PKHD1: variants seen among roughly 807,000 people sequenced by gnomAD.
PKHD1 encodes the protein fibrocystin.
Under a neutral mutation model 412.0 loss-of-function variants are expected in PKHD1, and 291 were observed. That is an observed-to-expected ratio of 0.71 (90% confidence interval 0.64 to 0.78). The LOEUF (loss-of-function observed/expected upper bound fraction) is 0.78, where lower values mean the gene tolerates loss of function less well. Among genes scored for constraint, PKHD1 ranks in the 30% least tolerant of loss-of-function variants. The probability of loss-of-function intolerance (pLI) is 0.00; values close to 1 mark genes in which losing one functional copy is unlikely to be tolerated. For synonymous variants in PKHD1, 1,777 were observed against 1,821.5 expected (o/e 0.98, Z 0.62); for missense variants, 4,825 against 4,950.7 (o/e 0.97, Z 0.76).
At chr6:51,733,152 G>A (rs1783425208) in intron 60 of PKHD1, among the ~76,000 whole-genome samples, 1 of 152,160 alleles carries the variant, frequency 6.6e-6, no homozygotes, top group South Asian at 2.1e-4. Flanking sequence ...TAGAGTTTCA[G>A]TTTTAAGAGT....
At position 51,775,145 on chromosome 6, in the gene PKHD1, T is replaced by G. The variant is rs531509666; in HGVS notation, c.8554+663A>C. On this transcript the variant is annotated intron_variant, in intron 54 of 66. Coordinates refer to ENST00000371117, the MANE Select transcript of PKHD1 (RefSeq NM_138694.4). ...TAAAGTATAGTGAACTTATTTCAAC[T>G]ATTATATAAGTAAGGGAAAAATAAC... 7.5e-4 allele frequency among the ~76,000 whole-genome samples: 114 copies of G among 151,916 alleles called. 1 individual carries two copies. Among genetic ancestry groups the G allele is most frequent in the African/African-American group, 2.4e-3 (99 of 41,534 alleles).
intron 60 of PKHD1, among the ~76,000 whole-genome samples, chr6:51,725,501 G>C (rs991684015): frequency 6.6e-6 from 1 of 152,052 alleles, no homozygotes; most frequent in African/African-American, 2.4e-5. Context: ...AAAGAGAAGA[G>C]GAAATGCAAA....
In PKHD1 at chr6:52,025,767, C is replaced by T. The variant is rs1203511766; in HGVS notation, c.4043G>A (p.Ser1348Asn). 1.2e-6 allele frequency: 2 copies of T among 1,614,234 alleles called. No individual in the cohort carries two copies. The highest frequency in any genetic ancestry group is 1.7e-6 in the Non-Finnish European group (2 of 1,180,040). The stretch of plus-strand genomic sequence containing the variant: ...AAGAGGGATGGAGCATCCAGACAGG[C>T]TCACGTTGCCCTGGAAGGACTGTGT... ...VETQSFQGNV[S>N]LSGCSIPLHS... Residue 1348 changes from serine (S) to asparagine (N), a missense_variant, in exon 32 of 67, where the codon AGC becomes AAC. Physicochemically the swap from Ser to Asn is conservative, Grantham distance 46. Coordinates refer to ENST00000371117, the MANE Select transcript of PKHD1 (RefSeq NM_138694.4).
chr6:51,697,865 C>T (rs1778982399), intron 60 of PKHD1, among the ~76,000 whole-genome samples: 1 of 152,134 alleles, frequency 6.6e-6, no homozygotes, highest in Non-Finnish European at 1.5e-5. Flanking sequence ...TGTCTCCTAC[C>T]TGGCATTTAC....
At chr6:51,778,270 C>G (rs1791392808) in intron 53 of PKHD1, among the ~76,000 whole-genome samples, 1 of 152,094 alleles carries the variant, frequency 6.6e-6, no homozygotes, top group African/African-American at 2.4e-5. Flanking sequence ...TACTAAGAGG[C>G]ATATTAAACC....
At chr6:51,646,959 T>C (rs1056498719) in intron 63 of PKHD1, among the ~76,000 whole-genome samples, 1 of 152,106 alleles carries the variant, frequency 6.6e-6, no homozygotes, top group Non-Finnish European at 1.5e-5. Context: ...CTCCAATGGC[T>C]CTGCATCTCA....
chr6:52,000,956 G>T (rs1226515819), intron 35 of PKHD1, among the ~76,000 whole-genome samples: 1 of 152,122 alleles, frequency 6.6e-6, no homozygotes, highest in African/African-American at 2.4e-5. Flanking sequence ...CTAATTTCCT[G>T]AATTCCCTCT....
At chr6:52,083,289 A>G (rs1240046095) in intron 2 of PKHD1, 34 bp from the exon 3 acceptor site, 2 of 1,369,446 alleles carry the variant, frequency 1.5e-6, no homozygotes, top group East Asian at 2.3e-5. Context: ...TTGGTTTTGA[A>G]GGTCAGATTC....
At chr6:51,664,617 C>G (rs147990781) in intron 60 of PKHD1, among the ~76,000 whole-genome samples, 78 of 152,282 alleles carry the variant, frequency 5.1e-4, no homozygotes, top group African/African-American at 1.9e-3. Flanking sequence ...GTTACTATGG[C>G]TCCTCTCTCT....
At chr6:52,082,260 T>C in intron 4 of PKHD1, 132 bp downstream of exon 4, 1 of 897,422 alleles carries the variant, frequency 1.1e-6, no homozygotes, top group South Asian at 1.4e-5. Flanking sequence ...CATATTCACA[T>C]GAAACTTTTT....
chr6:51,908,420 C>T (rs1782460391), intron 40 of PKHD1, among the ~76,000 whole-genome samples: 1 of 152,098 alleles, frequency 6.6e-6, no homozygotes. Flanking sequence ...TGGGGCACAG[C>T]CTCTTTAAAG....
intron 34 of PKHD1, among the ~76,000 whole-genome samples, chr6:52,014,685 A>G (rs1800256460): frequency 6.8e-6 from 1 of 147,078 alleles, no homozygotes. Context: ...GGATGGATGG[A>G]TGAATATACT....
intron 35 of PKHD1, among the ~76,000 whole-genome samples, chr6:52,010,082 G>T (rs1799611641): frequency 6.6e-6 from 1 of 152,060 alleles, no homozygotes; most frequent in Admixed American, 6.6e-5. Context: ...CTCAGAATTT[G>T]CTTTGAAAGA....
At position 51,781,174 on chromosome 6, in the gene PKHD1, C is replaced by T. The variant is rs114481841; in HGVS notation, c.8441-5253G>A. Among the ~76,000 whole-genome samples, 274 of 152,206 alleles carry T rather than the reference C, an allele frequency of 1.8e-3. 3 individuals carry two copies. Among genetic ancestry groups the T allele is most frequent in the African/African-American group, 5.9e-3 (246 of 41,552 alleles). On this transcript the variant is annotated intron_variant, in intron 53 of 66. Coordinates refer to ENST00000371117, the MANE Select transcript of PKHD1 (RefSeq NM_138694.4). ...CCCAAGCTGGTAAATAGCACTCAACCAAGTAAATTGCAGCACATATTTTTT... is the reference window on the plus strand; with the variant it reads ...CCCAAGCTGGTAAATAGCACTCAACTAAGTAAATTGCAGCACATATTTTTT...
chr6:51,953,816 G>T (rs1790730706), intron 36 of PKHD1, among the ~76,000 whole-genome samples: 1 of 152,038 alleles, frequency 6.6e-6, no homozygotes, highest in African/African-American at 2.4e-5. Flanking sequence ...CTAAAAAACA[G>T]TTGAGAGAAA....
chr6:51,648,703 G>A (rs2784233), intron 62 of PKHD1, among the ~76,000 whole-genome samples: 143,658 of 152,272 alleles, frequency 0.94, 67,823 homozygotes, highest in East Asian at 1. Flanking sequence ...TTTAAAAAAC[G>A]TAAAACTGTA....
At chr6:52,015,145 T>A (rs750765178) in intron 34 of PKHD1, among the ~76,000 whole-genome samples, 11 of 152,230 alleles carry the variant, frequency 7.2e-5, no homozygotes, top group Admixed American at 1.3e-4. Flanking sequence ...TCTCAATATA[T>A]TATAAATATT....
At chr6:51,886,065 T>C in intron 44 of PKHD1, 93 bp from the exon 45 acceptor site, 1 of 803,488 alleles carries the variant, frequency 1.2e-6, no homozygotes, top group African/African-American at 1.7e-5. Flanking sequence ...AAGTAATGTA[T>C]TAGGGAGAAT....
At chr6:51,679,585 C>A (rs935701396) in intron 60 of PKHD1, among the ~76,000 whole-genome samples, 1 of 151,912 alleles carries the variant, frequency 6.6e-6, no homozygotes, top group Non-Finnish European at 1.5e-5. Flanking sequence ...TTATATTAAT[C>A]TTTTCAAGGC....
Sources: gnomAD v4.1 joint callset for allele counts (sites outside exome capture counted in the v4.1 genomes callset) on GRCh38, gnomAD v4.1.1 for gene constraint, MANE v1.5 for transcripts, NCBI Gene and HGNC (gene_info 2026-07-23, HGNC 2026-07-21) for gene names.